COL4A1: variants seen among roughly 807,000 people sequenced by gnomAD.
COL4A1 encodes collagen type IV alpha 1 chain.
COL4A1 carries 40 observed loss-of-function variants against 216.6 expected under a neutral mutation model. The ratio of observed to expected loss-of-function variants is 0.18; its 90% confidence interval spans 0.14 to 0.24. The LOEUF (loss-of-function observed/expected upper bound fraction) is 0.24, where lower values mean the gene tolerates loss of function less well. Ranked by LOEUF, COL4A1 falls within the 10% of genes least tolerant of loss-of-function variation. The probability of loss-of-function intolerance (pLI) is 1.00; values close to 1 mark genes in which losing one functional copy is unlikely to be tolerated. For missense variants in COL4A1, 1,628 were observed against 2,196.8 expected, an observed-to-expected ratio of 0.74 and a Z score of 5.18; for synonymous variants, 839 against 810.7, an observed-to-expected ratio of 1.03 and a Z score of -0.59.
Position 110,155,290 on chromosome 13 carries a change from A to G in COL4A1, c.4748T>C (p.Phe1583Ser). 8 of 1,613,100 alleles carry G rather than the reference A, an allele frequency of 5.0e-6. No individual in the cohort carries two copies. Among genetic ancestry groups the G allele is most frequent in the Non-Finnish European group, 6.8e-6 (8 of 1,179,016 alleles). Reference protein sequence around the residue: ...GWSSLWIGYSFVMHTSAGAEG... With the variant: ...GWSSLWIGYSSVMHTSAGAEG... ...GTCTCCCCAGACACTTACCATCACA[A>G]AAGAGTAGCCGATCCACAGCGAGGA... Residue 1583 changes from phenylalanine (F) to serine (S), a missense_variant, in exon 50 of 52, where the codon TTT (phenylalanine) becomes TCT (serine). Transcript: ENST00000375820.
intron 1 of COL4A1, among the ~76,000 whole-genome samples, chr13:110,253,342 ATACATATAATTATATGTAT>A (rs1882299212): frequency 1.7e-5 from 1 of 57,314 alleles, no homozygotes; most frequent in Non-Finnish European, 3.2e-5. Context: ...TGTATTACAT[ATACATATAATTATATGTAT>A]TACATATACA....
intron 43 of COL4A1, among the ~76,000 whole-genome samples, chr13:110,168,785 A>C (rs11069830): frequency 0.66 from 99,836 of 152,086 alleles, 33,094 homozygotes; most frequent in Non-Finnish European, 0.7. Context: ...CCTCCTATTC[A>C]TGATCTCCCC....
At chr13:110,273,531 A>G (rs1883320505) in intron 1 of COL4A1, among the ~76,000 whole-genome samples, 1 of 152,184 alleles carries the variant, frequency 6.6e-6, no homozygotes, top group African/African-American at 2.4e-5. Context: ...AAACACACAG[A>G]TCCTAGGACA....
intron 1 of COL4A1, among the ~76,000 whole-genome samples, chr13:110,286,583 G>A (rs73617451): frequency 0.018 from 2,725 of 152,318 alleles, 82 homozygotes; most frequent in African/African-American, 0.062. Flanking sequence ...CAGAGGAGCC[G>A]CCTATAGGGA....
At chr13:110,162,679 C>T (rs1317008824) in intron 47 of COL4A1, among the ~76,000 whole-genome samples, 2 of 151,874 alleles carry the variant, frequency 1.3e-5, no homozygotes, top group Non-Finnish European at 2.9e-5. Flanking sequence ...TTTTTATAAG[C>T]ACAGTTCTCG....
intron 24 of COL4A1, among the ~76,000 whole-genome samples, chr13:110,188,098 C>T (rs1878480136): frequency 6.6e-6 from 1 of 152,240 alleles, no homozygotes; most frequent in African/African-American, 2.4e-5. Context: ...CCAATGGCTT[C>T]TCCTCCAGCA....
At chr13:110,233,580 G>A (rs751804389) in intron 2 of COL4A1, among the ~76,000 whole-genome samples, 2 of 152,120 alleles carry the variant, frequency 1.3e-5, no homozygotes, top group Non-Finnish European at 2.9e-5. Flanking sequence ...GTAAGTACAC[G>A]CACATTGGGA....
intron 1 of COL4A1, among the ~76,000 whole-genome samples, chr13:110,258,234 A>G (rs1882663650): frequency 6.6e-6 from 1 of 152,262 alleles, no homozygotes; most frequent in South Asian, 2.1e-4. Flanking sequence ...TGAACCGGGC[A>G]GCACTCAAGA....
At chr13:110,170,264 G>C (rs1406954993) in intron 42 of COL4A1, among the ~76,000 whole-genome samples, 1 of 152,248 alleles carries the variant, frequency 6.6e-6, no homozygotes, top group Non-Finnish European at 1.5e-5. Context: ...GTGGGCCCAA[G>C]TGCTGCGCTG....
At chr13:110,239,421 CA>C (rs1475043461) in intron 2 of COL4A1, among the ~76,000 whole-genome samples, 1 of 152,140 alleles carries the variant, frequency 6.6e-6, no homozygotes, top group Non-Finnish European at 1.5e-5. Context: ...TAATAATTTC[CA>C]AATTTCTAAG....
intron 1 of COL4A1, among the ~76,000 whole-genome samples, chr13:110,271,635 G>A (rs1470309424): frequency 6.6e-6 from 1 of 152,208 alleles, no homozygotes; most frequent in Non-Finnish European, 1.5e-5. Flanking sequence ...AAAGACTGAG[G>A]ATGTGTTTAG....
chr13:110,158,182 G>A (rs149970165), intron 49 of COL4A1, among the ~76,000 whole-genome samples: 1 of 152,050 alleles, frequency 6.6e-6, no homozygotes, highest in East Asian at 1.9e-4. Flanking sequence ...TTCTGGAAGT[G>A]TAATGAATGA....
intron 1 of COL4A1, among the ~76,000 whole-genome samples, chr13:110,243,322 CTT>C (rs572917767): frequency 6.8e-6 from 1 of 147,084 alleles, no homozygotes; most frequent in African/African-American, 2.5e-5. Flanking sequence ...TTGTAGTTCA[CTT>C]TTTTTTTTTT....
Position 110,192,374 on chromosome 13 carries a change from C to T in COL4A1, c.1466-90G>A, listed in dbSNP as rs2241967. 0.46 allele frequency: 574,358 copies of T among 1,240,710 alleles called. 135,536 individuals are homozygous for T. Among genetic ancestry groups the T allele is most frequent in the South Asian group, 0.54 (43,614 of 80,960 alleles). 76.9% of individuals were successfully genotyped at this position (1,240,710 alleles called of 1,614,324 possible). A position where few individuals can be genotyped will look rare whatever the true frequency, so the allele number is the denominator to read the frequency against. ...TCTTAAGACTCAAAAGCATAAAAATCTGTATAGGAAGTGGATGATTGCTTG... is the reference window on the plus strand; with the variant it reads ...TCTTAAGACTCAAAAGCATAAAAATTTGTATAGGAAGTGGATGATTGCTTG... On this transcript the variant is annotated intron_variant, in intron 23 of 51. Transcript: ENST00000375820.
intron 23 of COL4A1, 104 bp downstream of exon 23, chr13:110,192,726 C>G: frequency 1.1e-6 from 1 of 923,378 alleles, no homozygotes; most frequent in South Asian, 1.5e-5. Flanking sequence ...TTAGGATTGG[C>G]TGCCGAAAAT....
chr13:110,161,992 A>G, intron 48 of COL4A1: 1 of 591,106 alleles, frequency 1.7e-6, no homozygotes, highest in Non-Finnish European at 3.0e-6. Context: ...ATTTTCGAAG[A>G]TTCAGTCTCC....
At chr13:110,247,671 G>A (rs1448478857) in intron 1 of COL4A1, among the ~76,000 whole-genome samples, 2 of 151,726 alleles carry the variant, frequency 1.3e-5, no homozygotes, top group African/African-American at 4.8e-5. Context: ...CCAAGAGGGC[G>A]CTCTTCTCAA....
chr13:110,243,399 C>G (rs905741417), intron 1 of COL4A1, among the ~76,000 whole-genome samples: 1 of 152,072 alleles, frequency 6.6e-6, no homozygotes, highest in Non-Finnish European at 1.5e-5. Flanking sequence ...CACACTGCAA[C>G]CTCCACCTCT....
chr13:110,170,100 A>G (rs1345179884), intron 42 of COL4A1, among the ~76,000 whole-genome samples: 2 of 55,568 alleles, frequency 3.6e-5, no homozygotes, highest in Admixed American at 1.7e-4. Flanking sequence ...GGAGGGAGAG[A>G]GGAAGGGAGG....
Sources: allele counts gnomAD v4.1 joint callset (sites outside exome capture counted in the v4.1 genomes callset), GRCh38; gene constraint gnomAD v4.1.1; transcripts MANE v1.5; gene names NCBI Gene and HGNC (gene_info 2026-07-23, HGNC 2026-07-21).